The following XPO7 variants were observed in gnomAD, a reference collection of about 807,000 sequenced individuals.
XPO7 encodes exportin 7.
XPO7 carries 21 observed loss-of-function variants against 144.3 expected under a neutral mutation model. That is an observed-to-expected ratio of 0.15 (90% CI 0.10 to 0.21). The LOEUF (loss-of-function observed/expected upper bound fraction) is 0.21. Among genes scored for constraint, XPO7 ranks in the 10% least tolerant of loss-of-function variants. The probability of loss-of-function intolerance (pLI) is 1.00; values close to 1 mark genes in which losing one functional copy is unlikely to be tolerated. For missense variants in XPO7, 808 were observed against 1,325.8 expected (o/e 0.61, Z 6.06); for synonymous variants, 580 against 499.6 (o/e 1.16, Z -2.15).
intron 1 of XPO7, among the ~76,000 whole-genome samples, chr8:21,945,173 G>T (rs1334393764): frequency 2.0e-5 from 3 of 152,062 alleles, no homozygotes. Context: ...TCACTTCCCA[G>T]ACGGGGCAGC....
chr8:21,941,934 CTG>C (rs1433888788), intron 1 of XPO7, among the ~76,000 whole-genome samples: 5 of 152,016 alleles, frequency 3.3e-5, no homozygotes, highest in Non-Finnish European at 4.4e-5. Flanking sequence ...AATAAATAAA[CTG>C]TGATGTCTAA....
intron 21 of XPO7, 32 bp downstream of exon 21, chr8:21,995,631 T>A (rs372395410): frequency 3.3e-6 from 5 of 1,512,100 alleles, no homozygotes; most frequent in Non-Finnish European, 4.5e-6. Context: ...CAAGGGCACA[T>A]CTGCCCTGTT....
At chr8:21,970,689 A>C (rs749314878) in intron 4 of XPO7, among the ~76,000 whole-genome samples, 1 of 152,182 alleles carries the variant, frequency 6.6e-6, no homozygotes. Context: ...CTAGCCTTGG[A>C]AAGATATTTC....
At chr8:21,961,868 G>T (rs763059923) in intron 1 of XPO7, among the ~76,000 whole-genome samples, 1 of 152,130 alleles carries the variant, frequency 6.6e-6, no homozygotes, top group African/African-American at 2.4e-5. Flanking sequence ...TCATCACGTC[G>T]GCCATGCCGG....
intron 1 of XPO7, among the ~76,000 whole-genome samples, chr8:21,944,115 C>T (rs1406497586): frequency 6.6e-6 from 1 of 151,912 alleles, no homozygotes; most frequent in Non-Finnish European, 1.5e-5. Flanking sequence ...ATGGCCATAC[C>T]CAAGAGTGGT....
chr8:21,998,981 C>A, intron 22 of XPO7, 110 bp from the exon 23 acceptor site: 1 of 1,465,364 alleles, frequency 6.8e-7, no homozygotes, highest in Non-Finnish European at 9.5e-7. Context: ...ATTAGAGTGC[C>A]ACCTGTCACC....
chr8:21,956,760 C>G (rs1179092023), intron 1 of XPO7, among the ~76,000 whole-genome samples: 1 of 150,006 alleles, frequency 6.7e-6, no homozygotes, highest in Non-Finnish European at 1.5e-5. Flanking sequence ...TTTGTGCATC[C>G]TGTTATTCCA....
chr8:21,990,801 T>A lies in XPO7; in HGVS notation c.1933-10T>A, dbSNP rs983743955. 6.2e-7 allele frequency: 1 copy of A among 1,613,810 alleles called. No individual in the cohort carries two copies. Among genetic ancestry groups the A allele is most frequent in the Admixed American group, 1.7e-5 (1 of 59,998 alleles). On this transcript the variant is annotated splice_polypyrimidine_tract_variant and intron_variant, in intron 17 of 27. Coordinates refer to ENST00000252512, the MANE Select transcript of XPO7 (RefSeq NM_015024.5). The stretch of plus-strand genomic sequence containing the variant: ...TTTTTACCTTTAACTTCTTTTCTTT[T>A]TTTCAATAGAGCGAGCACTTTTCAT...
chr8:21,941,509 A>G (rs1168984406), intron 1 of XPO7, among the ~76,000 whole-genome samples: 3 of 152,264 alleles, frequency 2.0e-5, no homozygotes, highest in African/African-American at 4.8e-5. Flanking sequence ...TGTAAATGCT[A>G]TATAAATAGT....
At chr8:22,004,764 A>G (rs1456288686) in intron 27 of XPO7, among the ~76,000 whole-genome samples, 1 of 151,850 alleles carries the variant, frequency 6.6e-6, no homozygotes, top group Non-Finnish European at 1.5e-5. Flanking sequence ...TCTGTCAGTG[A>G]GATTTCTTTT....
At chr8:21,966,455 C>A in intron 1 of XPO7, 1 of 569,148 alleles carries the variant, frequency 1.8e-6, no homozygotes, top group South Asian at 2.4e-5. Context: ...GTACTTATAT[C>A]ATGTTTATGT....
chr8:21,998,419 C>T (rs146529142), intron 21 of XPO7, among the ~76,000 whole-genome samples: 11 of 152,050 alleles, frequency 7.2e-5, no homozygotes, highest in African/African-American at 2.4e-4. Flanking sequence ...CTAGCCTGGG[C>T]GACAGAGTAA....
At position 22,005,214 on chromosome 8, in the gene XPO7, A is replaced by G; in HGVS notation, c.*126A>G. 1.4e-6 allele frequency: 1 copy of G among 706,030 alleles called. No homozygotes were observed. The highest frequency in any genetic ancestry group is 2.7e-5 in the Admixed American group (1 of 36,790). The allele number at this position is 706,030 out of a possible 1,614,324, so 43.7% of individuals were successfully genotyped here. On this transcript the variant is annotated 3_prime_UTR_variant, in exon 28 of 28. Coordinates refer to ENST00000252512, the MANE Select transcript of XPO7 (RefSeq NM_015024.5). ...TCTCCAGGGGTGTGGGGAAAATGGC[A>G]AAGGTCAACTAGCTGCTTCCCCAGG...
At position 21,980,037 on chromosome 8, in the gene XPO7, T is replaced by G. The variant is rs768929270; in HGVS notation, c.838-47T>G. Reference sequence around the variant, plus strand: ...GTGGAACGTTTCTGGTGAAAGTAACTGTACAGTCTTTTTAATCGTTGTGTT... The same window carrying G: ...GTGGAACGTTTCTGGTGAAAGTAACGGTACAGTCTTTTTAATCGTTGTGTT... On this transcript the variant is annotated intron_variant, in intron 8 of 27. Coordinates refer to ENST00000252512, the MANE Select transcript of XPO7 (RefSeq NM_015024.5). The G allele has an allele frequency of 2.0e-6, 3 of 1,498,944 alleles. No individual in the cohort carries two copies. The South Asian group carries it at 3.9e-5, about 20-fold the overall frequency. The allele number at this position is 1,498,944 out of a possible 1,614,324, so 92.9% of individuals were successfully genotyped here.
In XPO7 at chr8:21,995,971, A is replaced by C. The variant is rs1205386642; in HGVS notation, c.2345+372A>C. ...GCTGGGACTACAGGCACCCGCCACC[A>C]CACCCGGCCGATTTTTTGTATTTTT... is the stretch of plus-strand genomic sequence containing the variant. On this transcript the variant is annotated intron_variant, in intron 21 of 27. Coordinates refer to ENST00000252512, the MANE Select transcript of XPO7 (RefSeq NM_015024.5). Among the ~76,000 whole-genome samples, 4 of 151,982 alleles carry C rather than the reference A, an allele frequency of 2.6e-5. No individual in the cohort carries two copies. The East Asian group carries it at 5.8e-4, about 22-fold the overall frequency.
At chr8:22,004,098 G>A (rs1411585416) in intron 27 of XPO7, 68 bp downstream of exon 27, 13 of 1,594,730 alleles carry the variant, frequency 8.2e-6, no homozygotes, top group South Asian at 4.5e-5. Flanking sequence ...GAAACAGGCA[G>A]TTGCTTTAAA....
chr8:21,962,487 C>T lies in XPO7; in HGVS notation c.19-4370C>T, dbSNP rs912689908. Among the ~76,000 whole-genome samples the T allele has an allele frequency of 4.6e-5, 7 of 151,892 alleles. 1 individual carries two copies. The East Asian group carries it at 5.8e-4, about 13-fold the overall frequency. On this transcript the variant is annotated intron_variant, in intron 1 of 27. Transcript: ENST00000252512. The stretch of plus-strand genomic sequence containing the variant: ...AATTCTGATTGGTAACAGAATCAGC[C>T]GTTAACTAGTAAAATGTTACTAATG...
rs551761845 is a variant in XPO7, at chr8:21,924,447, T to TC, written c.18+4668dup. 7.2e-3 allele frequency among the ~76,000 whole-genome samples: 947 copies of TC among 132,052 alleles called. 5 individuals carry two copies. The highest frequency in any genetic ancestry group is 0.018 in the African/African-American group (654 of 36,154). The allele number at this position is 132,052 out of a possible 152,430, so 86.6% of individuals were successfully genotyped here. A position where few individuals can be genotyped will look rare whatever the true frequency, so the allele number is the denominator to read the frequency against. On this transcript the variant is annotated intron_variant, in intron 1 of 27. Coordinates refer to ENST00000252512, the MANE Select transcript of XPO7 (RefSeq NM_015024.5). ...TCTCAACAGCTACCTGTAGCCCCCC[T>TC]CCCCCCCCCACCCCACTAACTACTA...
At chr8:21,984,099 A>T (rs1004190757) in intron 11 of XPO7, among the ~76,000 whole-genome samples, 1 of 152,196 alleles carries the variant, frequency 6.6e-6, no homozygotes, top group South Asian at 2.1e-4. Flanking sequence ...TAGTTTTTTT[A>T]AAATCCTACT....
Sources: allele counts gnomAD v4.1 joint callset (sites outside exome capture counted in the v4.1 genomes callset), GRCh38; gene constraint gnomAD v4.1.1; transcripts MANE v1.5; gene names NCBI Gene and HGNC (gene_info 2026-07-23, HGNC 2026-07-21).